Variants in CACNA2D3 observed in about 807,000 individuals in gnomAD.
The protein encoded by CACNA2D3 is calcium voltage-gated channel auxiliary subunit alpha2delta 3, also known as voltage-dependent calcium channel subunit alpha-2/delta-3.
Under a neutral mutation model 160.6 loss-of-function variants are expected in CACNA2D3, and 60 were observed. That is an observed-to-expected ratio of 0.37 (90% CI 0.30 to 0.46). The LOEUF (loss-of-function observed/expected upper bound fraction) is 0.46, where lower values mean the gene tolerates loss of function less well. Ranked by LOEUF, CACNA2D3 falls within the 20% of genes least tolerant of loss-of-function variation. The probability of loss-of-function intolerance (pLI) is 1.00; values close to 1 mark genes in which losing one functional copy is unlikely to be tolerated. For synonymous variants in CACNA2D3, 558 were observed against 492.9 expected, an observed-to-expected ratio of 1.13 and a Z score of -1.75; for missense variants, 1,205 against 1,365.0, an observed-to-expected ratio of 0.88 and a Z score of 1.85.
intron 30 of CACNA2D3, among the ~76,000 whole-genome samples, chr3:54,986,094 C>T (rs1702606549): frequency 6.6e-6 from 1 of 152,102 alleles, no homozygotes; most frequent in African/African-American, 2.4e-5. Context: ...CATTAGTTGC[C>T]TAGAGGGAGG....
chr3:54,721,993 C>G (rs933690238), intron 11 of CACNA2D3, among the ~76,000 whole-genome samples: 9 of 152,088 alleles, frequency 5.9e-5, no homozygotes, highest in African/African-American at 2.2e-4. Context: ...TGGCTAATAT[C>G]CTGAAGAGTG....
At chr3:54,467,632 G>C (rs1700652402) in intron 4 of CACNA2D3, among the ~76,000 whole-genome samples, 1 of 152,090 alleles carries the variant, frequency 6.6e-6, no homozygotes, top group Non-Finnish European at 1.5e-5. Flanking sequence ...AGGCACATAA[G>C]GAAAAATACT....
At chr3:54,303,550 G>T (rs1339017587) in intron 2 of CACNA2D3, among the ~76,000 whole-genome samples, 3 of 152,190 alleles carry the variant, frequency 2.0e-5, no homozygotes, top group Admixed American at 1.3e-4. Flanking sequence ...TGAAATGTAT[G>T]ACTGGAGTCT....
chr3:54,561,315 G>T (rs1702321435), intron 5 of CACNA2D3, among the ~76,000 whole-genome samples: 1 of 152,124 alleles, frequency 6.6e-6, no homozygotes, highest in African/African-American at 2.4e-5. Flanking sequence ...ATATTTCTAG[G>T]TACTTTATTC....
At chr3:54,212,486 C>G (rs1010752887) in intron 2 of CACNA2D3, among the ~76,000 whole-genome samples, 1 of 152,162 alleles carries the variant, frequency 6.6e-6, no homozygotes, top group Non-Finnish European at 1.5e-5. Context: ...TTGTGGAGAA[C>G]AAAGTTTTAC....
intron 27 of CACNA2D3, among the ~76,000 whole-genome samples, chr3:54,910,335 G>A (rs972454967): frequency 1.3e-5 from 2 of 152,132 alleles, no homozygotes; most frequent in African/African-American, 2.4e-5. Flanking sequence ...TTTGTGTGAT[G>A]CATTACTCAT....
At chr3:54,711,170 C>G (rs115139849) in intron 11 of CACNA2D3, among the ~76,000 whole-genome samples, 1 of 152,280 alleles carries the variant, frequency 6.6e-6, no homozygotes, top group African/African-American at 2.4e-5. Flanking sequence ...TCTGAGCCAG[C>G]TTTCTCTCGC....
At chr3:54,605,430 T>C (rs955086888) in intron 9 of CACNA2D3, among the ~76,000 whole-genome samples, 37 of 152,126 alleles carry the variant, frequency 2.4e-4, no homozygotes, top group Non-Finnish European at 1.2e-4. Flanking sequence ...TCCCAGTCTT[T>C]ATTATTCACC....
At chr3:54,894,580 G>A (rs766019809) in intron 25 of CACNA2D3, 3 of 513,726 alleles carry the variant, frequency 5.8e-6, no homozygotes, top group African/African-American at 3.9e-5. Context: ...CATAGACAGG[G>A]CACCTCTTAG....
intron 11 of CACNA2D3, among the ~76,000 whole-genome samples, chr3:54,727,279 A>G (rs1029241069): frequency 6.6e-6 from 1 of 152,238 alleles, no homozygotes; most frequent in Admixed American, 6.5e-5. Context: ...GAGGATGTGG[A>G]GAAATAGGAA....
chr3:54,879,124 TAAAACA>T, intron 19 of CACNA2D3, 35 bp downstream of exon 19: 1 of 1,364,132 alleles, frequency 7.3e-7, no homozygotes, highest in African/African-American at 1.5e-5. Flanking sequence ...CTGCTTAATT[TAAAACA>T]AACCACTGTG....
At chr3:54,809,591 T>G (rs1703243762) in intron 13 of CACNA2D3, among the ~76,000 whole-genome samples, 1 of 140,842 alleles carries the variant, frequency 7.1e-6, no homozygotes. Context: ...GTGCTGGGAT[T>G]ACAGGCGTGA....
chr3:54,237,260 A>G (rs1701896862), intron 2 of CACNA2D3, among the ~76,000 whole-genome samples: 2 of 152,158 alleles, frequency 1.3e-5, no homozygotes, highest in Admixed American at 1.3e-4. Context: ...GGAATAGGAC[A>G]TCCAGTGTGA....
At chr3:54,919,341 T>C (rs1700768414) in intron 27 of CACNA2D3, among the ~76,000 whole-genome samples, 1 of 152,208 alleles carries the variant, frequency 6.6e-6, no homozygotes, top group Non-Finnish European at 1.5e-5. Flanking sequence ...TGTTGTGATG[T>C]TATGTGTTTA....
intron 18 of CACNA2D3, among the ~76,000 whole-genome samples, chr3:54,873,965 A>G (rs922206798): frequency 6.6e-6 from 1 of 152,178 alleles, no homozygotes; most frequent in Non-Finnish European, 1.5e-5. Flanking sequence ...CCTGAGTAGC[A>G]GAGGACAGGG....
intron 13 of CACNA2D3, among the ~76,000 whole-genome samples, chr3:54,779,051 T>A (rs1253197479): frequency 6.6e-6 from 1 of 152,152 alleles, no homozygotes. Context: ...AAAATTGATA[T>A]TACTTTTGCC....
At chr3:54,297,494 T>C (rs1188626668) in intron 2 of CACNA2D3, among the ~76,000 whole-genome samples, 1 of 152,090 alleles carries the variant, frequency 6.6e-6, no homozygotes, top group Non-Finnish European at 1.5e-5. Context: ...ACAGAGAACA[T>C]TGACAACCTC....
At chr3:54,359,251 A>T (rs375497460) in intron 3 of CACNA2D3, among the ~76,000 whole-genome samples, 1 of 152,154 alleles carries the variant, frequency 6.6e-6, no homozygotes. Flanking sequence ...ATTAAACTCT[A>T]TGAGATAATT....
At chr3:54,824,345 C>A (rs1267224303) in intron 14 of CACNA2D3, among the ~76,000 whole-genome samples, 2 of 152,130 alleles carry the variant, frequency 1.3e-5, no homozygotes, top group African/African-American at 4.8e-5. Context: ...CCAACATGAG[C>A]CTCAGTCAGT....
Sources: allele counts gnomAD v4.1 joint callset (sites outside exome capture counted in the v4.1 genomes callset), GRCh38; gene constraint gnomAD v4.1.1; transcripts MANE v1.5; gene names NCBI Gene and HGNC (gene_info 2026-07-23, HGNC 2026-07-21).